The following GSG1L variants were observed in gnomAD, a reference collection of about 807,000 sequenced individuals.
GSG1L encodes the protein germ cell-specific gene 1-like protein.
GSG1L carries 24 observed loss-of-function variants against 42.1 expected under a neutral mutation model. That is an observed-to-expected ratio of 0.57 (90% CI 0.41 to 0.80). The LOEUF (loss-of-function observed/expected upper bound fraction) is 0.80, where lower values mean the gene tolerates loss of function less well. Among genes scored for constraint, GSG1L ranks in the 30% least tolerant of loss-of-function variants. The pLI, the probability that GSG1L is intolerant of heterozygous loss-of-function variation, is 0.00. For missense variants in GSG1L, 445 were observed against 472.2 expected (o/e 0.94, Z 0.53); for synonymous variants, 215 against 203.5 (o/e 1.06, Z -0.48).
At chr16:27,876,073 A>G (rs79068912) in intron 3 of GSG1L, among the ~76,000 whole-genome samples, 4,274 of 152,256 alleles carry the variant, frequency 0.028, 121 homozygotes, top group South Asian at 0.069. Context: ...CTTACAAATA[A>G]AAGGATCTTT....
chr16:27,931,574 ATG>A (rs2084658219), intron 2 of GSG1L, among the ~76,000 whole-genome samples: 1 of 152,244 alleles, frequency 6.6e-6, no homozygotes, highest in Non-Finnish European at 1.5e-5. Flanking sequence ...AAGCTGGAGA[ATG>A]CCCAGTGTTG....
intron 1 of GSG1L, among the ~76,000 whole-genome samples, chr16:28,010,824 C>T (rs2085708348): frequency 2.0e-5 from 3 of 152,192 alleles, no homozygotes; most frequent in Admixed American, 1.3e-4. Flanking sequence ...AGAACTCCCA[C>T]AGGACGGTGA....
At chr16:28,032,651 T>C (rs2085979015) in intron 1 of GSG1L, among the ~76,000 whole-genome samples, 1 of 152,092 alleles carries the variant, frequency 6.6e-6, no homozygotes, top group Non-Finnish European at 1.5e-5. Context: ...TCCCACTAAA[T>C]AAACAAACAA....
intron 4 of GSG1L, among the ~76,000 whole-genome samples, chr16:27,837,248 A>C (rs1305633425): frequency 6.6e-6 from 1 of 152,192 alleles, no homozygotes; most frequent in African/African-American, 2.4e-5. Flanking sequence ...AGCACATCTC[A>C]TGAGAACTCA....
intron 1 of GSG1L, among the ~76,000 whole-genome samples, chr16:28,002,249 G>T (rs1490816485): frequency 3.3e-5 from 5 of 152,222 alleles, no homozygotes. Flanking sequence ...AGGCTTCTCT[G>T]ATGGGCTGAC....
intron 1 of GSG1L, among the ~76,000 whole-genome samples, chr16:28,009,843 G>A (rs1417625296): frequency 6.6e-6 from 1 of 152,244 alleles, no homozygotes; most frequent in Non-Finnish European, 1.5e-5. Flanking sequence ...CCACTTCACA[G>A]CTGTTAGCCA....
chr16:27,789,659 T>G lies in GSG1L; in HGVS notation c.*1711A>C, dbSNP rs1371465046. ...AATGGGTGGATGGATGATGAATGGA[T>G]GGATGAAAGCATAGACAATGAATGG... On this transcript the variant is annotated 3_prime_UTR_variant, in exon 7 of 7. Transcript: ENST00000447459. 4 of 149,074 alleles carry G rather than the reference T, an allele frequency of 2.7e-5. No homozygotes were observed. Among genetic ancestry groups the G allele is most frequent in the African/African-American group, 9.9e-5 (4 of 40,472 alleles). The allele number at this position is 149,074 out of a possible 1,614,324, so 9.2% of individuals were successfully genotyped here. A position where few individuals can be genotyped will look rare whatever the true frequency, so the allele number is the denominator to read the frequency against.
intron 1 of GSG1L, among the ~76,000 whole-genome samples, chr16:27,997,926 C>A (rs2141141054): frequency 7.4e-6 from 1 of 134,258 alleles, no homozygotes; most frequent in East Asian, 2.6e-4. Flanking sequence ...GCGGCACGAT[C>A]TTGGCTCACT....
intron 2 of GSG1L, among the ~76,000 whole-genome samples, chr16:27,906,588 A>G (rs563262243): frequency 6.6e-6 from 1 of 151,972 alleles, no homozygotes; most frequent in South Asian, 2.1e-4. Flanking sequence ...CTCCCCCTGA[A>G]ATGTTCTTTC....
chr16:28,022,818 C>T (rs556054844), intron 1 of GSG1L, among the ~76,000 whole-genome samples: 1 of 152,282 alleles, frequency 6.6e-6, no homozygotes, highest in African/African-American at 2.4e-5. Context: ...CAGGCATGCG[C>T]CACTGTGCCT....
At chr16:27,815,541 G>C (rs1429449299) in intron 5 of GSG1L, among the ~76,000 whole-genome samples, 2 of 152,112 alleles carry the variant, frequency 1.3e-5, no homozygotes, top group African/African-American at 2.4e-5. Flanking sequence ...ATCTAAATAA[G>C]GTCCTTGAAG....
intron 6 of GSG1L, among the ~76,000 whole-genome samples, chr16:27,791,966 C>A (rs537212476): frequency 3.3e-4 from 50 of 152,174 alleles, no homozygotes; most frequent in African/African-American, 1.0e-3. Context: ...CACGACAGCA[C>A]CCCCTGCAGT....
intron 5 of GSG1L, among the ~76,000 whole-genome samples, chr16:27,812,738 C>T (rs559188913): frequency 4.2e-4 from 63 of 151,752 alleles, no homozygotes; most frequent in Non-Finnish European, 7.5e-4. Context: ...GGGACCTGCT[C>T]GCTTCCTTTT....
chr16:27,808,901 G>T (rs1452057752), intron 5 of GSG1L, among the ~76,000 whole-genome samples: 1 of 152,174 alleles, frequency 6.6e-6, no homozygotes, highest in Non-Finnish European at 1.5e-5. Flanking sequence ...GGACAGTGGA[G>T]GCAGGTGCAT....
chr16:27,915,915 G>T (rs1392861853), intron 2 of GSG1L, among the ~76,000 whole-genome samples: 1 of 151,996 alleles, frequency 6.6e-6, no homozygotes, highest in African/African-American at 2.4e-5. Context: ...TGGGGCCCTC[G>T]GGCAAATCAT....
At chr16:27,879,662 T>G (rs2083928344) in intron 3 of GSG1L, among the ~76,000 whole-genome samples, 1 of 152,140 alleles carries the variant, frequency 6.6e-6, no homozygotes, top group Non-Finnish European at 1.5e-5. Flanking sequence ...GCTTAATATT[T>G]GCATCTAACC....
chr16:27,939,022 C>G (rs8056807), intron 2 of GSG1L, among the ~76,000 whole-genome samples: 1 of 152,030 alleles, frequency 6.6e-6, no homozygotes, highest in Non-Finnish European at 1.5e-5. Context: ...GGGGAACTAA[C>G]GGGGAACCCA....
intron 3 of GSG1L, among the ~76,000 whole-genome samples, chr16:27,871,926 T>A (rs2083826819): frequency 6.6e-6 from 1 of 152,174 alleles, no homozygotes; most frequent in African/African-American, 2.4e-5. Flanking sequence ...GGGGTTTCTT[T>A]TTGGGGTGAT....
At chr16:27,814,242 G>T (rs2083067025) in intron 5 of GSG1L, among the ~76,000 whole-genome samples, 1 of 152,130 alleles carries the variant, frequency 6.6e-6, no homozygotes, top group Admixed American at 6.6e-5. Flanking sequence ...CTTCCAAGCA[G>T]CTGGGACTAC....
Sources: gnomAD v4.1 joint callset for allele counts (sites outside exome capture counted in the v4.1 genomes callset) on GRCh38, gnomAD v4.1.1 for gene constraint, MANE v1.5 for transcripts, NCBI Gene and HGNC (gene_info 2026-07-23, HGNC 2026-07-21) for gene names.